TRIM37: variants seen among roughly 807,000 people sequenced by gnomAD.
TRIM37 encodes tripartite motif containing 37.
A neutral mutation model predicts 129.8 loss-of-function variants in TRIM37; 80 were observed. The observed-to-expected ratio is 0.62, with a 90% confidence interval of 0.51 to 0.74. The LOEUF is 0.74. Ranked by LOEUF, TRIM37 falls within the 30% of genes least tolerant of loss-of-function variation. The pLI, the probability that TRIM37 is intolerant of heterozygous loss-of-function variation, is 0.00. For missense variants in TRIM37, 1,054 were observed against 1,176.5 expected (o/e 0.90, Z 1.52); for synonymous variants, 389 against 387.1 (o/e 1.00, Z -0.06).
At chr17:58,972,387 G>A in the TRIM37 span, 1 of 1,191,662 alleles carries the variant, frequency 8.4e-7, no homozygotes, top group South Asian at 1.6e-5. Context: ...GTTTCACTCT[G>A]TTGCCCAGGC....
downstream of TRIM37, among the ~76,000 whole-genome samples, chr17:58,997,928 A>T (rs1392532829): frequency 6.6e-6 from 1 of 152,192 alleles, no homozygotes; most frequent in Non-Finnish European, 1.5e-5. Context: ...GAGCAGCTTT[A>T]GTATATAAGG....
chr17:58,999,164 A>G lies in TRIM37; in HGVS notation c.*213T>C, dbSNP rs946823656. 22 of 1,395,958 alleles carry G rather than the reference A, an allele frequency of 1.6e-5. No homozygotes were observed. Among genetic ancestry groups the G allele is most frequent in the Non-Finnish European group, 2.0e-5 (22 of 1,077,368 alleles). 86.5% of individuals were successfully genotyped at this position (1,395,958 alleles called of 1,614,324 possible). A position where few individuals can be genotyped will look rare whatever the true frequency, so the allele number is the denominator to read the frequency against. On this transcript the variant is annotated 3_prime_UTR_variant, in exon 24 of 24. Transcript: ENST00000262294. ...CTACATTGTTATTTCCTTACATTAC[A>G]AAGAACTCTTCCCATACTGTTTTTC...
chr17:58,981,490 C>G (rs1331447885), downstream of TRIM37: 2 of 154,082 alleles, frequency 1.3e-5, no homozygotes, highest in African/African-American at 4.8e-5. Context: ...CCTCAAAATC[C>G]TGGGCACTAT....
intron 6 of TRIM37, among the ~76,000 whole-genome samples, chr17:59,080,643 T>C (rs2043175176): frequency 6.6e-6 from 1 of 152,008 alleles, no homozygotes; most frequent in African/African-American, 2.4e-5. Flanking sequence ...ATACAAAAAT[T>C]AGCTGGGCGT....
At chr17:58,980,365 C>G (rs1458100513), downstream of TRIM37, 3 of 1,614,008 alleles carry the variant, frequency 1.9e-6, no homozygotes, top group African/African-American at 1.3e-5. The surrounding 1 kb of genome is among the most constrained non-coding windows in gnomAD (Gnocchi z 4.7). Context: ...AGCACCAGTG[C>G]TCAGCACCAG....
At chr17:59,097,752 G>C (rs62081875) in intron 2 of TRIM37, among the ~76,000 whole-genome samples, 3,971 of 152,066 alleles carry the variant, frequency 0.026, 70 homozygotes, top group Non-Finnish European at 0.043. Context: ...AAAACAAAAA[G>C]AAAGACTTAT....
the TRIM37 span, among the ~76,000 whole-genome samples, chr17:58,973,149 G>A: frequency 1.3e-5 from 2 of 152,308 alleles, no homozygotes; most frequent in African/African-American, 4.8e-5. Flanking sequence ...CAGGCTCAGT[G>A]GCTCATGCCT....
intron 19 of TRIM37, among the ~76,000 whole-genome samples, chr17:59,019,991 G>C (rs1401831183): frequency 6.6e-6 from 1 of 152,022 alleles, no homozygotes; most frequent in African/African-American, 2.4e-5. Context: ...AGCACTTCAG[G>C]AGGCCAAAGT....
At chr17:58,993,225 G>C (rs763394283), downstream of TRIM37, among the ~76,000 whole-genome samples, 2 of 152,194 alleles carry the variant, frequency 1.3e-5, no homozygotes, top group East Asian at 1.9e-4. Flanking sequence ...ACGTGGAACT[G>C]TAAGTCCAAT....
intron 8 of TRIM37, among the ~76,000 whole-genome samples, chr17:59,073,813 T>C (rs2042586001): frequency 6.6e-6 from 1 of 152,196 alleles, no homozygotes; most frequent in Non-Finnish European, 1.5e-5. Context: ...ATGGTCAGGA[T>C]CATCAATATC....
chr17:58,980,108 G>C, downstream of TRIM37: 1 of 1,614,148 alleles, frequency 6.2e-7, no homozygotes, highest in South Asian at 1.1e-5. This position sits in a 1 kb window ranked among gnomAD's most constrained non-coding sequence, Gnocchi z 4.7. Flanking sequence ...GGCAGTGAAA[G>C]TTGTGTCCGA....
chr17:59,106,643 T>C lies in TRIM37; in HGVS notation c.-182A>G. On this transcript the variant is annotated 5_prime_UTR_variant, in exon 1 of 24. The change abolishes an upstream ATG in the 5' untranslated region. Coordinates refer to ENST00000262294, the MANE Select transcript of TRIM37 (RefSeq NM_015294.6). ...TCAGGTCCAGCGCCGCCTACCCCCA[T>C]TTCGCCATTTTTACCGGCGCGCCCG... 1.4e-6 allele frequency: 1 copy of C among 693,296 alleles called. No homozygotes were observed. The highest frequency in any genetic ancestry group is 2.5e-6 in the Non-Finnish European group (1 of 407,584). The allele number at this position is 693,296 out of a possible 1,614,324, so 42.9% of individuals were successfully genotyped here.
intron 19 of TRIM37, among the ~76,000 whole-genome samples, chr17:59,025,326 G>A (rs1259916567): frequency 6.6e-6 from 1 of 151,408 alleles, no homozygotes; most frequent in Non-Finnish European, 1.5e-5. Flanking sequence ...TAACCTGGGA[G>A]TTAAAAAGCC....
chr17:59,093,784 T>C lies in TRIM37; in HGVS notation c.124-2444A>G, dbSNP rs139399789. ...GTCCCTCCCTCCATATCCCGTCTCA[T>C]AGAAATGTCACTGGATCATGTCCAT... is the stretch of plus-strand genomic sequence containing the variant. On this transcript the variant is annotated intron_variant, in intron 2 of 23. Coordinates refer to ENST00000262294, the MANE Select transcript of TRIM37 (RefSeq NM_015294.6). 1.1e-4 allele frequency among the ~76,000 whole-genome samples: 17 copies of C among 152,366 alleles called. No homozygotes were observed. The East Asian group carries it at 3.1e-3, about 28-fold the overall frequency.
At chr17:58,997,605 A>G (rs1306290537), downstream of TRIM37, among the ~76,000 whole-genome samples, 1 of 152,222 alleles carries the variant, frequency 6.6e-6, no homozygotes, top group African/African-American at 2.4e-5. Flanking sequence ...ATGTATCTCT[A>G]GCCCTAAGAA....
At chr17:59,052,045 A>G (rs1020702287) in intron 13 of TRIM37, among the ~76,000 whole-genome samples, 43 of 152,100 alleles carry the variant, frequency 2.8e-4, no homozygotes. Flanking sequence ...AAGGAGTTAC[A>G]TGCTCTAAAT....
In TRIM37 at chr17:58,998,551, T is replaced by C. The variant is rs911199869; in HGVS notation, c.*826A>G. 7.7e-5 allele frequency: 76 copies of C among 985,422 alleles called. No homozygotes were observed. Among genetic ancestry groups the C allele is most frequent in the Non-Finnish European group, 8.8e-5 (73 of 829,920 alleles). The allele number at this position is 985,422 out of a possible 1,614,324, so 61.0% of individuals were successfully genotyped here. On this transcript the variant is annotated 3_prime_UTR_variant, in exon 24 of 24. Coordinates refer to ENST00000262294, the MANE Select transcript of TRIM37 (RefSeq NM_015294.6). ...AGCCACTGTGCAACATGAATGAATC[T>C]TTAAATGTGTTGACACTGAAATCAA...
downstream of TRIM37, chr17:58,980,923 G>GC (rs774856045): frequency 3.1e-6 from 5 of 1,614,046 alleles, no homozygotes; most frequent in South Asian, 4.4e-5. The surrounding 1 kb of genome is among the most constrained non-coding windows in gnomAD (Gnocchi z 4.7). Flanking sequence ...GAAGTTCTCT[G>GC]CCATGGAGGC....
At chr17:59,092,452 G>A (rs1022497384) in intron 2 of TRIM37, among the ~76,000 whole-genome samples, 1 of 150,590 alleles carries the variant, frequency 6.6e-6, no homozygotes, top group Admixed American at 6.6e-5. Context: ...GAAGCTTCTA[G>A]ATATCTTGGT....
Sources: allele counts gnomAD v4.1 joint callset (sites outside exome capture counted in the v4.1 genomes callset), GRCh38; gene constraint gnomAD v4.1.1; non-coding constraint Gnocchi (gnomAD v3.1); transcripts MANE v1.5; gene names NCBI Gene and HGNC (gene_info 2026-07-23, HGNC 2026-07-21).